The following DICER1 variants were observed in gnomAD, a reference collection of about 807,000 sequenced individuals.
The protein encoded by DICER1 is endoribonuclease Dicer.
In DICER1, 43 loss-of-function variants were observed where a neutral mutation model predicts 194.1. The ratio of observed to expected loss-of-function variants is 0.22; its 90% CI spans 0.17 to 0.29. The LOEUF (loss-of-function observed/expected upper bound fraction) is 0.29, where lower values mean the gene tolerates loss of function less well. Among genes scored for constraint, DICER1 ranks in the 10% least tolerant of loss-of-function variants. The pLI is 1.00. For synonymous variants in DICER1, 832 were observed against 820.5 expected (o/e 1.01, Z -0.24); for missense variants, 1,608 against 2,317.0 (o/e 0.69, Z 6.28).
intron 11 of DICER1, 107 bp from the exon 12 acceptor site, chr14:95,113,331 G>T: frequency 2.8e-6 from 3 of 1,074,756 alleles, no homozygotes; most frequent in Non-Finnish European, 4.2e-6. Context: ...TACTGAATTT[G>T]TATTTATATG....
intron 1 of DICER1, among the ~76,000 whole-genome samples, chr14:95,147,754 C>T (rs1316684359): frequency 6.6e-6 from 1 of 152,216 alleles, no homozygotes; most frequent in Non-Finnish European, 1.5e-5. Flanking sequence ...CCCACCCTTC[C>T]GTGTCAATTG....
In DICER1 at chr14:95,105,065, G is replaced by A. The variant is rs542259797; in HGVS notation, c.3269+6C>T. ...GTGTTCTTTCTGGCTGACTGCACAG[G>A]CATACCTAAAATCCGCAGGAAGTGA... On this transcript the variant is annotated splice_donor_region_variant and intron_variant, in intron 20 of 26. Coordinates refer to ENST00000343455, the MANE Select transcript of DICER1 (RefSeq NM_177438.3). This position sits in a 1 kb window ranked among gnomAD's most constrained non-coding sequence, Gnocchi z 4.9. The A allele has an allele frequency of 6.2e-7, 1 of 1,613,526 alleles. No individual in the cohort carries two copies. Among genetic ancestry groups the A allele is most frequent in the South Asian group, 1.1e-5 (1 of 91,026 alleles).
chr14:95,124,061 A>G lies in DICER1; in HGVS notation c.1376+135T>C. ...TGTCAATCCCAGGACAGCATGACGT[A>G]TCAGCAATGATGGCGCCAAGTCAAG... On this transcript the variant is annotated intron_variant, in intron 8 of 26. Coordinates refer to ENST00000343455, the MANE Select transcript of DICER1 (RefSeq NM_177438.3). The surrounding 1 kb of genome is among the most constrained non-coding windows in gnomAD (Gnocchi z 4.5). 1 of 683,190 alleles carries G rather than the reference A, an allele frequency of 1.5e-6. No homozygotes were observed. The highest frequency in any genetic ancestry group is 2.3e-5 in the Admixed American group (1 of 43,562). 42.3% of individuals were successfully genotyped at this position (683,190 alleles called of 1,614,324 possible). A position where few individuals can be genotyped will look rare whatever the true frequency, so the allele number is the denominator to read the frequency against.
rs139089254 is a variant in DICER1, at chr14:95,100,020, A to G, written c.4051-85T>C. On this transcript the variant is annotated intron_variant, in intron 21 of 26. Coordinates refer to ENST00000343455, the MANE Select transcript of DICER1 (RefSeq NM_177438.3). ...GGCATATTAACATATCCTCAGTTAAATGTTCTTAAAATTAATCAATTAATT... is the reference window on the plus strand; with the variant it reads ...GGCATATTAACATATCCTCAGTTAAGTGTTCTTAAAATTAATCAATTAATT... The G allele has an allele frequency of 1.2e-5, 17 of 1,454,318 alleles. No homozygotes were observed. The East Asian group carries it at 2.1e-4, about 18-fold the overall frequency. The allele number at this position is 1,454,318 out of a possible 1,614,324, so 90.1% of individuals were successfully genotyped here.
chr14:95,108,694 G>A (rs1248317464), intron 14 of DICER1, among the ~76,000 whole-genome samples, 191 bp from the exon 15 acceptor site: 1 of 152,246 alleles, frequency 6.6e-6, no homozygotes, highest in Non-Finnish European at 1.5e-5. Context: ...GGACAGGGCT[G>A]CTGACGGTGG....
At chr14:95,117,223 C>T (rs1595413616) in intron 9 of DICER1, among the ~76,000 whole-genome samples, 3 of 148,588 alleles carry the variant, frequency 2.0e-5, no homozygotes, top group African/African-American at 7.4e-5. Flanking sequence ...AGAATTGAAA[C>T]AAAATAGGCC....
intron 22 of DICER1, among the ~76,000 whole-genome samples, chr14:95,097,342 C>G (rs905473009): frequency 6.6e-6 from 1 of 152,126 alleles, no homozygotes; most frequent in African/African-American, 2.4e-5. Context: ...TAAAAGTGAT[C>G]ACTGCACTAA....
chr14:95,103,888 C>T lies in DICER1; in HGVS notation c.3508G>A (p.Ala1170Thr), dbSNP rs1566768694. 6.2e-7 allele frequency: 1 copy of T among 1,614,150 alleles called. No homozygotes were observed. Among genetic ancestry groups the T allele is most frequent in the Non-Finnish European group, 8.5e-7 (1 of 1,180,018 alleles). Residue 1170 changes from alanine (A) to threonine (T), a missense_variant, in exon 21 of 27, where the codon GCA becomes ACA. Coordinates refer to ENST00000343455, the MANE Select transcript of DICER1 (RefSeq NM_177438.3). ...SPGKLHVEVS[A>T]DLTAINGLSY... ...AGACCATTAATTGCTGTAAGATCTG[C>T]TGAAACTTCAACGTGGAGCTTACCA...
At position 95,086,753 on chromosome 14, in the gene DICER1, G is replaced by C. The variant is rs1889367532; in HGVS notation, c.*3745C>G. The C allele has an allele frequency of 8.6e-6, 2 of 232,632 alleles. No homozygotes were observed. The highest frequency in any genetic ancestry group is 1.7e-5 in the Non-Finnish European group (2 of 117,720). The allele number at this position is 232,632 out of a possible 1,614,324, so 14.4% of individuals were successfully genotyped here. A position where few individuals can be genotyped will look rare whatever the true frequency, so the allele number is the denominator to read the frequency against. Reference sequence around the variant, plus strand: ...TTTAAAAATCATTTTAATAGTCTTGGTCTTAAACATATCTTTAAAACTTTT... The same window carrying C: ...TTTAAAAATCATTTTAATAGTCTTGCTCTTAAACATATCTTTAAAACTTTT... On this transcript the variant is annotated 3_prime_UTR_variant, in exon 27 of 27. Transcript: ENST00000343455.
chr14:95,107,586 T>C, intron 17 of DICER1, 22 bp downstream of exon 17: 1 of 1,613,206 alleles, frequency 6.2e-7, no homozygotes, highest in Non-Finnish European at 8.5e-7. Flanking sequence ...ACCACCATTT[T>C]CCTTTCCATT....
At chr14:95,122,833 C>G (rs991988410) in intron 8 of DICER1, among the ~76,000 whole-genome samples, 11 of 152,146 alleles carry the variant, frequency 7.2e-5, no homozygotes, top group African/African-American at 2.4e-4. Context: ...AGACTAAAAA[C>G]TGCCAGATGA....
chr14:95,100,792 C>G (rs1323101301), intron 21 of DICER1, among the ~76,000 whole-genome samples: 1 of 152,166 alleles, frequency 6.6e-6, no homozygotes, highest in Admixed American at 6.5e-5. Flanking sequence ...AGACACCCCC[C>G]ATATGAGAGG....
chr14:95,143,298 G>A (rs192002053), intron 1 of DICER1, among the ~76,000 whole-genome samples: 11 of 152,150 alleles, frequency 7.2e-5, no homozygotes, highest in Non-Finnish European at 2.9e-5. Flanking sequence ...GACTGTTGAC[G>A]TAAGGACAAA....
intron 7 of DICER1, among the ~76,000 whole-genome samples, chr14:95,125,412 C>A (rs1893323167): frequency 1.3e-5 from 2 of 150,238 alleles, no homozygotes; most frequent in African/African-American, 2.5e-5. Context: ...AGACTCTGAT[C>A]CTGGACCCTC....
In DICER1 at chr14:95,124,183, C is replaced by T. The variant is rs1320535741; in HGVS notation, c.1376+13G>A. The stretch of plus-strand genomic sequence containing the variant: ...CCTGTTCTCATGTGAAAGGAGTCAA[C>T]TTACAGATTTACCTGTTTAAGACAA... On this transcript the variant is annotated intron_variant, in intron 8 of 26. Transcript: ENST00000343455. This position sits in a 1 kb window ranked among gnomAD's most constrained non-coding sequence, Gnocchi z 4.5. 3.1e-6 allele frequency: 5 copies of T among 1,599,074 alleles called. No homozygotes were observed. Among genetic ancestry groups the T allele is most frequent in the African/African-American group, 1.3e-5 (1 of 74,586 alleles).
Position 95,087,176 on chromosome 14 carries a change from T to C in DICER1, c.*3322A>G, listed in dbSNP as rs1207839989. On this transcript the variant is annotated 3_prime_UTR_variant, in exon 27 of 27. Coordinates refer to ENST00000343455, the MANE Select transcript of DICER1 (RefSeq NM_177438.3). ...ACTGCCGGGGGAACACCTGGATTCATGAACCAAAGCAGCCTCAAGTTTCAT... is the reference window on the plus strand; with the variant it reads ...ACTGCCGGGGGAACACCTGGATTCACGAACCAAAGCAGCCTCAAGTTTCAT... The C allele has an allele frequency of 5.1e-5, 12 of 233,198 alleles. No homozygotes were observed. The East Asian group carries it at 6.1e-4, about 12-fold the overall frequency. 14.4% of individuals were successfully genotyped at this position (233,198 alleles called of 1,614,324 possible).
In DICER1 at chr14:95,111,327, T is replaced by A. The variant is rs1309961626; in HGVS notation, c.2246A>T (p.Tyr749Phe). Reference sequence around the variant, plus strand: ...CTAACCAATACTAACTGCTTTTGGGTAGCACTGCCTTCGTTTCGTGGAACC... The same window carrying A: ...CTAACCAATACTAACTGCTTTTGGGAAGCACTGCCTTCGTTTCGTGGAACC... Reference protein sequence around the residue: ...RPGSTKRRQCYPKAIPECLRD... With the variant: ...RPGSTKRRQCFPKAIPECLRD... The change falls in exon 14 of 27, where the codon TAC (tyrosine) becomes TTC (phenylalanine). Residue 749 changes from tyrosine (Y) to phenylalanine (F), a missense_variant. Physicochemically the swap from Tyr to Phe is conservative, Grantham distance 22 (BLOSUM62 3). Around this residue, in one of 10 missense-constraint regions of DICER1, gnomAD observed 657 missense variants for 910.1 expected, o/e 0.72. Transcript: ENST00000343455. 3 of 1,614,092 alleles carry A rather than the reference T, an allele frequency of 1.9e-6. No individual in the cohort carries two copies. The Admixed American group carries it at 5.0e-5, about 27-fold the overall frequency.
rs1223558222 is a variant in DICER1 at position 95,089,150 on chromosome 14, A to AAGAGT, written c.*1343_*1347dup. ...AAAGAAGAACTGAGGTATTTAAGTGAAGAGTGCCTACAAGTCTAATTAAAG... is the reference window on the plus strand; with the variant it reads ...AAAGAAGAACTGAGGTATTTAAGTGAAGAGTAGAGTGCCTACAAGTCTAATTAAAG... On this transcript the variant is annotated 3_prime_UTR_variant, in exon 27 of 27. Transcript: ENST00000343455. The AAGAGT allele has an allele frequency of 1.7e-5, 4 of 233,134 alleles. No homozygotes were observed. The highest frequency in any genetic ancestry group is 3.4e-5 in the Non-Finnish European group (4 of 118,010). The allele number at this position is 233,134 out of a possible 1,614,324, so 14.4% of individuals were successfully genotyped here.
At chr14:95,136,023 G>T (rs1231128156) in intron 1 of DICER1, among the ~76,000 whole-genome samples, 1 of 151,288 alleles carries the variant, frequency 6.6e-6, no homozygotes, top group Non-Finnish European at 1.5e-5. Flanking sequence ...GTATTTAGGG[G>T]TAAAGAGCTA....
Sources: gnomAD v4.1 joint callset for allele counts (sites outside exome capture counted in the v4.1 genomes callset) on GRCh38, gnomAD v4.1.1 for gene constraint, gnomAD v4.1.1 regional missense constraint, Gnocchi (gnomAD v3.1) non-coding constraint, MANE v1.5 for transcripts, NCBI Gene and HGNC (gene_info 2026-07-23, HGNC 2026-07-21) for gene names.